CEP162: variants seen among roughly 807,000 people sequenced by gnomAD.
CEP162 encodes the protein centrosomal protein of 162 kDa.
CEP162 carries 141 observed loss-of-function variants against 169.2 expected under a neutral mutation model. The ratio of observed to expected loss-of-function variants is 0.83; its 90% CI spans 0.73 to 0.96. The LOEUF is 0.96. CEP162 is among the 40% of genes least tolerant of loss of function. The pLI is 0.00. For synonymous variants in CEP162, 540 were observed against 526.4 expected (o/e 1.03, Z -0.35); for missense variants, 1,600 against 1,587.2 (o/e 1.01, Z -0.14).
In CEP162 at chr6:84,174,870, C is replaced by T. The variant is rs146750464; in HGVS notation, c.1882G>A (p.Gly628Ser). The change falls in exon 15 of 27, where the codon GGT becomes AGT. Residue 628 changes from glycine (G) to serine (S), a missense_variant. By Grantham distance (56) the Gly-to-Ser change is moderately conservative. Transcript: ENST00000403245. ...ATTTGCTCAATTAGGGCTTGCGCACCCCTCCATTTATCCTCTGCTTCCTGA... is the reference window on the plus strand; with the variant it reads ...ATTTGCTCAATTAGGGCTTGCGCACTCCTCCATTTATCCTCTGCTTCCTGA... ...RVQEAEDKWR[G>S]AQALIEQIKA... is the part of the protein sequence containing the mutation. 5.1e-6 allele frequency: 8 copies of T among 1,564,036 alleles called. 1 individual carries two copies. In the African/African-American group the frequency reaches 9.5e-5, roughly 19 times the overall value.
At chr6:84,134,246 A>G (rs2099512908) in intron 25 of CEP162, among the ~76,000 whole-genome samples, 1 of 152,178 alleles carries the variant, frequency 6.6e-6, no homozygotes, top group Non-Finnish European at 1.5e-5. Context: ...TCAGACAGCT[A>G]TGCTGGCAGT....
At chr6:84,218,876 C>G (rs972522190) in intron 3 of CEP162, among the ~76,000 whole-genome samples, 17 of 152,198 alleles carry the variant, frequency 1.1e-4, no homozygotes, top group African/African-American at 3.6e-4. Flanking sequence ...CAGGGTCTCA[C>G]CCTGGCTCTA....
rs777525586 is a variant in CEP162, at chr6:84,149,546, CAG to C, written c.3771+14_3771+15del. ...AGTTTATTCAAGTCAAAAGATAAAACAGATTTGTCATCTACCTCTTGAGTTGC... is the reference window on the plus strand; with the variant it reads ...AGTTTATTCAAGTCAAAAGATAAAACATTTGTCATCTACCTCTTGAGTTGC... On this transcript the variant is annotated intron_variant, in intron 24 of 26. Transcript: ENST00000403245. 2 of 1,555,918 alleles carry C rather than the reference CAG, an allele frequency of 1.3e-6. No homozygotes were observed. The highest frequency in any genetic ancestry group is 2.8e-5 in the African/African-American group (2 of 72,714).
chr6:84,168,043 A>T (rs1231469163), intron 18 of CEP162, among the ~76,000 whole-genome samples: 1 of 151,612 alleles, frequency 6.6e-6, no homozygotes, highest in Non-Finnish European at 1.5e-5. Context: ...TATTTATTAT[A>T]TTTTTTTTCC....
intron 6 of CEP162, 96 bp from the exon 7 acceptor site, chr6:84,204,192 T>A: frequency 1.5e-6 from 1 of 663,370 alleles, no homozygotes; most frequent in Non-Finnish European, 2.5e-6. Context: ...GAAGTCTGTA[T>A]AAGAATAGTT....
intron 25 of CEP162, among the ~76,000 whole-genome samples, chr6:84,144,203 C>A (rs1265748386): frequency 6.6e-6 from 1 of 151,938 alleles, no homozygotes; most frequent in East Asian, 1.9e-4. Context: ...AGTAATTAGG[C>A]TTATTTGACG....
intron 2 of CEP162, among the ~76,000 whole-genome samples, chr6:84,222,716 T>C (rs2099554176): frequency 6.6e-6 from 1 of 152,240 alleles, no homozygotes; most frequent in African/African-American, 2.4e-5. Context: ...CCAACTAGAA[T>C]ATTGTTATCT....
intron 23 of CEP162, among the ~76,000 whole-genome samples, chr6:84,149,990 G>A (rs1311700402): frequency 6.6e-6 from 1 of 152,104 alleles, no homozygotes; most frequent in African/African-American, 2.4e-5. Flanking sequence ...GGAATCTAGG[G>A]TTCCAAAAGC....
chr6:84,211,389 G>A (rs1480320085), intron 6 of CEP162, among the ~76,000 whole-genome samples: 2 of 151,688 alleles, frequency 1.3e-5, no homozygotes, highest in South Asian at 2.1e-4. Context: ...TTAGCCAGGT[G>A]TGGTGGTGGG....
intron 9 of CEP162, among the ~76,000 whole-genome samples, chr6:84,200,444 A>G (rs2099544011): frequency 6.6e-6 from 1 of 152,216 alleles, no homozygotes; most frequent in South Asian, 2.1e-4. Flanking sequence ...AAAGCACAAT[A>G]AGACCAAAGT....
intron 2 of CEP162, among the ~76,000 whole-genome samples, chr6:84,224,217 AAGT>A (rs1264178400): frequency 6.6e-6 from 1 of 152,262 alleles, no homozygotes; most frequent in African/African-American, 2.4e-5. Context: ...AAAAGAAATG[AAGT>A]GTTAATACAT....
At chr6:84,212,508 T>TTTTGAAAATAA (rs1562090364) in intron 6 of CEP162, among the ~76,000 whole-genome samples, 12 of 151,746 alleles carry the variant, frequency 7.9e-5, no homozygotes, top group Non-Finnish European at 4.4e-5. Context: ...TTGTGACTCA[T>TTTTGAAAATAA]AGGGCAACTA....
rs756139511 is a variant in CEP162 at position 84,221,559 on chromosome 6, T to A, written c.58-388A>T. 2.3e-4 allele frequency among the ~76,000 whole-genome samples: 35 copies of A among 152,266 alleles called. No individual in the cohort carries two copies. In the Middle Eastern group the frequency reaches 0.01, roughly 44 times the overall value. ...CCACTCTAGAAACAGAATTTCAATA[T>A]AAGGAAGAACTGAGTTTCAGGGTGT... On this transcript the variant is annotated intron_variant, in intron 2 of 26. Coordinates refer to ENST00000403245, the MANE Select transcript of CEP162 (RefSeq NM_014895.4).
intron 17 of CEP162, 114 bp from the exon 18 acceptor site, chr6:84,169,547 T>A (rs1021792927): frequency 1.8e-6 from 1 of 547,190 alleles, no homozygotes. Context: ...ACTGTATGCA[T>A]AAATGAAGGT....
intron 13 of CEP162, among the ~76,000 whole-genome samples, chr6:84,176,297 C>T (rs1312882977): frequency 6.6e-6 from 1 of 152,088 alleles, no homozygotes; most frequent in African/African-American, 2.4e-5. Flanking sequence ...AGTCCCTCAC[C>T]AAAAGATTTC....
Position 84,153,134 on chromosome 6 carries a change from AG to A in CEP162, c.3039del (p.Cys1014AlafsTer3), listed in dbSNP as rs1289874208. Reference sequence around the variant, plus strand: ...GGAGAGTCATGTTGATTCAATTTGCAGGCAAGTAGCTGCTCCTGCTGCTCTA... The same window carrying A: ...GGAGAGTCATGTTGATTCAATTTGCAGCAAGTAGCTGCTCCTGCTGCTCTA... ...QRLEQQEQLL[A>X]CKLNQHDSPR... On this transcript the variant is annotated frameshift_variant, in exon 23 of 27. Transcript: ENST00000403245. LOFTEE classifies it high-confidence loss of function. 3.7e-6 allele frequency: 6 copies of A among 1,609,790 alleles called. No homozygotes were observed. The highest frequency in any genetic ancestry group is 5.1e-6 in the Non-Finnish European group (6 of 1,178,764).
chr6:84,217,544 G>A lies in CEP162; in HGVS notation c.173-1622C>T, dbSNP rs374273156. On this transcript the variant is annotated intron_variant, in intron 3 of 26. Coordinates refer to ENST00000403245, the MANE Select transcript of CEP162 (RefSeq NM_014895.4). ...GGCCAGTGTAGTGATACGGGCATAA[G>A]CAAGAGAAAGGTAGTCTAAGTTGGG... 2.8e-4 allele frequency among the ~76,000 whole-genome samples: 43 copies of A among 152,312 alleles called. No homozygotes were observed. In the South Asian group the frequency reaches 8.9e-3, roughly 32 times the overall value.
intron 6 of CEP162, among the ~76,000 whole-genome samples, chr6:84,207,873 A>G (rs1227970814): frequency 1.3e-5 from 2 of 152,172 alleles, no homozygotes; most frequent in African/African-American, 4.8e-5. Flanking sequence ...AGAGCTGCCC[A>G]AAGAATCTTG....
At chr6:84,159,872 G>A (rs954910141) in intron 21 of CEP162, among the ~76,000 whole-genome samples, 4 of 151,928 alleles carry the variant, frequency 2.6e-5, no homozygotes, top group Non-Finnish European at 2.9e-5. Context: ...GTGAGCCACC[G>A]CGCCTGGCCA....
Sources: gnomAD v4.1 joint callset for allele counts (sites outside exome capture counted in the v4.1 genomes callset) on GRCh38, gnomAD v4.1.1 for gene constraint, MANE v1.5 for transcripts, NCBI Gene and HGNC (gene_info 2026-07-23, HGNC 2026-07-21) for gene names.